PRKAG2: variants seen among roughly 807,000 people sequenced by gnomAD.
PRKAG2 encodes the protein protein kinase AMP-activated non-catalytic subunit gamma 2, also known as 5'-AMP-activated protein kinase subunit gamma-2.
Under a neutral mutation model 69.6 loss-of-function variants are expected in PRKAG2, and 26 were observed. The observed-to-expected ratio is 0.37, with a 90% CI of 0.27 to 0.52. PRKAG2 has a LOEUF of 0.52. Ranked by LOEUF, PRKAG2 falls within the 20% of genes least tolerant of loss-of-function variation. The pLI, the probability that PRKAG2 is intolerant of heterozygous loss-of-function variation, is 0.90. For synonymous variants in PRKAG2, 293 were observed against 285.0 expected (o/e 1.03, Z -0.28); for missense variants, 557 against 740.0 (o/e 0.75, Z 2.87).
chr7:151,586,170 A>G (rs1811614007), intron 6 of PRKAG2, among the ~76,000 whole-genome samples: 1 of 152,246 alleles, frequency 6.6e-6, no homozygotes, highest in Non-Finnish European at 1.5e-5. Flanking sequence ...AGATTTAAAT[A>G]TTAATTGATC....
intron 3 of PRKAG2, among the ~76,000 whole-genome samples, chr7:151,714,702 C>T (rs1795883218): frequency 2.0e-5 from 3 of 152,108 alleles, no homozygotes; most frequent in Admixed American, 1.3e-4. Context: ...GTAATCCCAG[C>T]ACTTTGGGAG....
chr7:151,611,345 G>T (rs1818809431), intron 5 of PRKAG2, among the ~76,000 whole-genome samples: 1 of 152,218 alleles, frequency 6.6e-6, no homozygotes, highest in Non-Finnish European at 1.5e-5. Flanking sequence ...ACTAAGCAAT[G>T]CTTGCTGCGG....
At chr7:151,774,465 T>C (rs764957985) in intron 3 of PRKAG2, among the ~76,000 whole-genome samples, 13 of 152,188 alleles carry the variant, frequency 8.5e-5, no homozygotes, top group Non-Finnish European at 1.3e-4. Flanking sequence ...GAAATGACAG[T>C]GATCATAATT....
At position 151,587,768 on chromosome 7, in the gene PRKAG2, G is replaced by A. The variant is rs1294155955; in HGVS notation, c.864+7577C>T. Reference sequence around the variant, plus strand: ...GCTGTCCCACCTAAGGAGGCATGATGACGAGACGTGATGGGGTAACCTAGA... The same window carrying A: ...GCTGTCCCACCTAAGGAGGCATGATAACGAGACGTGATGGGGTAACCTAGA... On this transcript the variant is annotated intron_variant, in intron 6 of 15. Transcript: ENST00000287878. Among the ~76,000 whole-genome samples, 5 of 152,326 alleles carry A rather than the reference G, an allele frequency of 3.3e-5. No individual in the cohort carries two copies. In the East Asian group the frequency reaches 9.6e-4, roughly 29 times the overall value.
At position 151,659,992 on chromosome 7, in the gene PRKAG2, G is replaced by A. The variant is rs567798244; in HGVS notation, c.684+15428C>T. Reference sequence around the variant, plus strand: ...GAGGACTGCTTGAGGCTGGGAGTTCGAGGTTACAGTGAGCTATGATCATGC... The same window carrying A: ...GAGGACTGCTTGAGGCTGGGAGTTCAAGGTTACAGTGAGCTATGATCATGC... On this transcript the variant is annotated intron_variant, in intron 4 of 15. Coordinates refer to ENST00000287878, the MANE Select transcript of PRKAG2 (RefSeq NM_016203.4). Among the ~76,000 whole-genome samples, 12 of 152,304 alleles carry A rather than the reference G, an allele frequency of 7.9e-5. No homozygotes were observed. In the South Asian group the frequency reaches 8.3e-4, roughly 11 times the overall value.
chr7:151,608,421 G>C (rs1818017711), intron 5 of PRKAG2, among the ~76,000 whole-genome samples: 1 of 152,264 alleles, frequency 6.6e-6, no homozygotes, highest in African/African-American at 2.4e-5. Flanking sequence ...TTAATGCTTC[G>C]TGAGTCACAC....
intron 6 of PRKAG2, among the ~76,000 whole-genome samples, chr7:151,582,747 C>A (rs893112291): frequency 6.6e-6 from 1 of 152,214 alleles, no homozygotes; most frequent in African/African-American, 2.4e-5. Flanking sequence ...CAGCTCACTT[C>A]GTTTTTCTGA....
intron 4 of PRKAG2, among the ~76,000 whole-genome samples, chr7:151,650,834 ATG>A (rs1192722231): frequency 6.6e-6 from 1 of 152,166 alleles, no homozygotes; most frequent in Non-Finnish European, 1.5e-5. Context: ...GCTCTTGAGT[ATG>A]TGTCTTTTTA....
rs774739134 is a variant in PRKAG2, at chr7:151,632,047, G to A, written c.754+22C>T. On this transcript the variant is annotated intron_variant, in intron 5 of 15. Coordinates refer to ENST00000287878, the MANE Select transcript of PRKAG2 (RefSeq NM_016203.4). This position sits in a 1 kb window ranked among gnomAD's most constrained non-coding sequence, Gnocchi z 4.2. ...GCCGGGCCGTGGGAGCGCCGGGCCG[G>A]CAGCGGGCGGGGCGCACTCACCTTC... 1.5e-6 allele frequency: 2 copies of A among 1,350,492 alleles called. No homozygotes were observed. Among genetic ancestry groups the A allele is most frequent in the Admixed American group, 2.4e-5 (1 of 41,276 alleles). The allele number at this position is 1,350,492 out of a possible 1,614,324, so 83.7% of individuals were successfully genotyped here. A position where few individuals can be genotyped will look rare whatever the true frequency, so the allele number is the denominator to read the frequency against.
chr7:151,654,817 CAA>C (rs1829151434), intron 4 of PRKAG2, among the ~76,000 whole-genome samples: 1 of 152,204 alleles, frequency 6.6e-6, no homozygotes, highest in Admixed American at 6.5e-5. Context: ...CCCAGCTTCC[CAA>C]GTAGCTGGGG....
In PRKAG2 at chr7:151,735,841, C is replaced by T. The variant is rs77702271; in HGVS notation, c.466+45311G>A. ...CTGCTTAGGAGGGTGTGCACACACG[C>T]CGTGGGGTTCCCTCCCAAGGACAGA... is the stretch of plus-strand genomic sequence containing the variant. On this transcript the variant is annotated intron_variant, in intron 3 of 15. Transcript: ENST00000287878. The T allele has an allele frequency of 1.6e-4, 242 of 1,533,422 alleles. 2 individuals carry two copies. The East Asian group carries it at 5.8e-3, about 37-fold the overall frequency. The allele number at this position is 1,533,422 out of a possible 1,614,324, so 95.0% of individuals were successfully genotyped here. A position where few individuals can be genotyped will look rare whatever the true frequency, so the allele number is the denominator to read the frequency against.
intron 1 of PRKAG2, among the ~76,000 whole-genome samples, chr7:151,830,183 G>A (rs932735669): frequency 2.7e-5 from 4 of 150,100 alleles, no homozygotes; most frequent in African/African-American, 7.3e-5. Context: ...GAAGTTCAGC[G>A]GTTTGCCATT....
intron 14 of PRKAG2, 151 bp from the exon 15 acceptor site, chr7:151,560,768 T>C (rs1261408069): frequency 9.1e-7 from 1 of 1,103,004 alleles, no homozygotes; most frequent in Non-Finnish European, 1.3e-6. Flanking sequence ...ACAAAAACAT[T>C]AGACAGTGGC....
rs1240963375 is a variant in PRKAG2 at position 151,781,470 on chromosome 7, C to T, written c.187-39G>A. The T allele has an allele frequency of 1.1e-5, 18 of 1,570,352 alleles. No homozygotes were observed. In the East Asian group the frequency reaches 2.1e-4, roughly 18 times the overall value. ...GACGAATGGATGCAGTCACTCCACG[C>T]TCTGGACACGCTGCCTCCTGCCCTG... is the stretch of plus-strand genomic sequence containing the variant. On this transcript the variant is annotated intron_variant, in intron 2 of 15. Transcript: ENST00000287878. This position sits in a 1 kb window ranked among gnomAD's most constrained non-coding sequence, Gnocchi z 6.1.
At chr7:151,869,894 G>A (rs2080173146) in intron 1 of PRKAG2, among the ~76,000 whole-genome samples, 1 of 152,204 alleles carries the variant, frequency 6.6e-6, no homozygotes, top group African/African-American at 2.4e-5. Flanking sequence ...GGGCCCTATT[G>A]GAGCTTACGG....
At chr7:151,590,221 G>A (rs147507283) in intron 6 of PRKAG2, among the ~76,000 whole-genome samples, 186 of 152,344 alleles carry the variant, frequency 1.2e-3, no homozygotes, top group African/African-American at 4.3e-3. Flanking sequence ...CTGTGAGTGC[G>A]CTGGGGCCTC....
intron 3 of PRKAG2, among the ~76,000 whole-genome samples, chr7:151,763,745 T>C (rs2075567453): frequency 1.3e-5 from 2 of 152,190 alleles, no homozygotes; most frequent in South Asian, 4.1e-4. Context: ...CCCTCCCTCG[T>C]GTGCCAGCCA....
At position 151,632,148 on chromosome 7, in the gene PRKAG2, A is replaced by T; in HGVS notation, c.685-10T>A. 7.2e-7 allele frequency: 1 copy of T among 1,385,778 alleles called. No homozygotes were observed. Among genetic ancestry groups the T allele is most frequent in the African/African-American group, 1.5e-5 (1 of 66,820 alleles). The allele number at this position is 1,385,778 out of a possible 1,614,324, so 85.8% of individuals were successfully genotyped here. On this transcript the variant is annotated splice_polypyrimidine_tract_variant and intron_variant, in intron 4 of 15. Transcript: ENST00000287878. The surrounding 1 kb of genome is among the most constrained non-coding windows in gnomAD (Gnocchi z 4.2). Reference sequence around the variant, plus strand: ...CCGCCGCCAGCGCCGCCTGAGGGGGAGGAGGAGGACAGCGATCAGCATGAG... The same window carrying T: ...CCGCCGCCAGCGCCGCCTGAGGGGGTGGAGGAGGACAGCGATCAGCATGAG...
intron 1 of PRKAG2, among the ~76,000 whole-genome samples, chr7:151,802,126 T>C (rs2077871556): frequency 6.6e-6 from 1 of 152,198 alleles, no homozygotes; most frequent in African/African-American, 2.4e-5. Flanking sequence ...TTCTTTCTCA[T>C]GGAGAAAGTG....
Sources: gnomAD v4.1 joint callset for allele counts (sites outside exome capture counted in the v4.1 genomes callset) on GRCh38, gnomAD v4.1.1 for gene constraint, Gnocchi (gnomAD v3.1) non-coding constraint, MANE v1.5 for transcripts, NCBI Gene and HGNC (gene_info 2026-07-23, HGNC 2026-07-21) for gene names.